The following MTUS2 variants were observed in gnomAD, a reference collection of about 807,000 sequenced individuals.
MTUS2 encodes the protein microtubule associated scaffold protein 2.
MTUS2 carries 40 observed loss-of-function variants against 114.1 expected under a neutral mutation model. The observed-to-expected ratio is 0.35, with a 90% CI of 0.27 to 0.46. The LOEUF is 0.46. MTUS2 is among the 20% of genes least tolerant of loss of function. MTUS2 has a pLI of 1.00. For synonymous variants in MTUS2, 688 were observed against 672.0 expected, an observed-to-expected ratio of 1.02 and a Z score of -0.37; for missense variants, 1,679 against 1,705.4, an observed-to-expected ratio of 0.98 and a Z score of 0.27.
chr13:29,039,378 T>G (rs1048429497), intron 4 of MTUS2, among the ~76,000 whole-genome samples: 4 of 152,228 alleles, frequency 2.6e-5, no homozygotes, highest in Non-Finnish European at 5.9e-5. Flanking sequence ...CCAGAAACTG[T>G]GCAAAGCATC....
At chr13:29,127,509 C>G (rs1457518313) in intron 5 of MTUS2, among the ~76,000 whole-genome samples, 2 of 152,190 alleles carry the variant, frequency 1.3e-5, no homozygotes, top group African/African-American at 2.4e-5. Flanking sequence ...TGAGGCTTCC[C>G]TGAAGAGAAA....
At chr13:29,029,716 G>T (rs1191258629) in intron 3 of MTUS2, among the ~76,000 whole-genome samples, 1 of 152,186 alleles carries the variant, frequency 6.6e-6, no homozygotes, top group Non-Finnish European at 1.5e-5. Context: ...ACTCAAGGGG[G>T]AAGAAGAAGG....
chr13:29,348,031 A>G (rs151085741), intron 7 of MTUS2, among the ~76,000 whole-genome samples: 66 of 149,624 alleles, frequency 4.4e-4, no homozygotes, highest in African/African-American at 1.4e-3. Context: ...GCATTCACCA[A>G]CCCAGAAGCC....
rs1259005084 is a variant in MTUS2 at position 29,505,271 on chromosome 13, C to T, written c.*2065C>T. ...TAGCCGCACCTGCTAAATGCAGTTA[C>T]ACAGCAATACTGACTTCCGTGTGAT... is the stretch of plus-strand genomic sequence containing the variant. On this transcript the variant is annotated 3_prime_UTR_variant, in exon 16 of 16. Coordinates refer to ENST00000612955, the MANE Select transcript of MTUS2 (RefSeq NM_001033602.4). 8.6e-6 allele frequency: 2 copies of T among 231,462 alleles called. No homozygotes were observed. Among genetic ancestry groups the T allele is most frequent in the Non-Finnish European group, 1.7e-5 (2 of 116,736 alleles). The allele number at this position is 231,462 out of a possible 1,614,324, so 14.3% of individuals were successfully genotyped here.
intron 5 of MTUS2, among the ~76,000 whole-genome samples, chr13:29,252,775 T>C (rs150353458): frequency 3.3e-5 from 5 of 152,226 alleles, no homozygotes; most frequent in Admixed American, 2.0e-4. Context: ...CGAGATCTGA[T>C]GGTTTTATAA....
chr13:29,315,012 C>T lies in MTUS2; in HGVS notation c.2807-9601C>T, dbSNP rs373652828. Reference sequence around the variant, plus strand: ...TCCATTAAAAAGAATCGAGTTTTATCATTTATGGCAACATGGATGAGCTTG... The same window carrying T: ...TCCATTAAAAAGAATCGAGTTTTATTATTTATGGCAACATGGATGAGCTTG... On this transcript the variant is annotated intron_variant, in intron 6 of 15. Transcript: ENST00000612955. Among the ~76,000 whole-genome samples the T allele has an allele frequency of 1.1e-4, 17 of 152,274 alleles. No homozygotes were observed. The South Asian group carries it at 2.7e-3, about 24-fold the overall frequency.
intron 8 of MTUS2, among the ~76,000 whole-genome samples, chr13:29,372,833 T>A (rs967362975): frequency 6.6e-6 from 1 of 152,194 alleles, no homozygotes; most frequent in Non-Finnish European, 1.5e-5. Flanking sequence ...AAGATCTCAG[T>A]TGAGTTCCAG....
chr13:29,333,270 T>A (rs576952937), intron 7 of MTUS2, among the ~76,000 whole-genome samples: 1 of 152,296 alleles, frequency 6.6e-6, no homozygotes, highest in East Asian at 1.9e-4. Context: ...TGATCTCAGC[T>A]GACTGTAACC....
chr13:29,505,282 T>C lies in MTUS2; in HGVS notation c.*2076T>C. The C allele has an allele frequency of 4.3e-6, 1 of 231,534 alleles. No individual in the cohort carries two copies. The highest frequency in any genetic ancestry group is 6.1e-5 in the East Asian group (1 of 16,286). The allele number at this position is 231,534 out of a possible 1,614,324, so 14.3% of individuals were successfully genotyped here. ...GCTAAATGCAGTTACACAGCAATACTGACTTCCGTGTGATGCTAGAACGTG... is the reference window on the plus strand; with the variant it reads ...GCTAAATGCAGTTACACAGCAATACCGACTTCCGTGTGATGCTAGAACGTG... On this transcript the variant is annotated 3_prime_UTR_variant, in exon 16 of 16. Transcript: ENST00000612955.
At chr13:29,139,721 A>G (rs1308468060) in intron 5 of MTUS2, among the ~76,000 whole-genome samples, 3 of 152,136 alleles carry the variant, frequency 2.0e-5, no homozygotes, top group Non-Finnish European at 4.4e-5. Context: ...AAAATATACA[A>G]TGATTATTTA....
chr13:29,248,948 G>A (rs1167716372), intron 5 of MTUS2, among the ~76,000 whole-genome samples: 10 of 152,118 alleles, frequency 6.6e-5, no homozygotes, highest in Non-Finnish European at 1.2e-4. Context: ...ATGTATGCAT[G>A]TATCTTTATA....
At chr13:28,989,734 G>T (rs1311237607) in intron 2 of MTUS2, among the ~76,000 whole-genome samples, 1 of 152,162 alleles carries the variant, frequency 6.6e-6, no homozygotes, top group Non-Finnish European at 1.5e-5. Flanking sequence ...GGGTGAACAG[G>T]GAAGCACATG....
chr13:29,156,852 C>T (rs545038627), intron 5 of MTUS2, among the ~76,000 whole-genome samples: 18 of 152,254 alleles, frequency 1.2e-4, no homozygotes, highest in African/African-American at 3.9e-4. Context: ...GTCCACTCCC[C>T]GACCCCGCCT....
intron 7 of MTUS2, among the ~76,000 whole-genome samples, chr13:29,357,951 T>G (rs1869888970): frequency 1.3e-5 from 2 of 152,158 alleles, no homozygotes; most frequent in South Asian, 4.2e-4. Flanking sequence ...CACAAACCCA[T>G]TACTCTGCAT....
At position 29,493,632 on chromosome 13, in the gene MTUS2, A is replaced by C. The variant is rs78951476; in HGVS notation, c.3579+913A>C. Among the ~76,000 whole-genome samples the C allele has an allele frequency of 9.1e-3, 1,383 of 152,274 alleles. 20 individuals are homozygous for C. Among genetic ancestry groups the C allele is most frequent in the African/African-American group, 0.031 (1,280 of 41,564 alleles). On this transcript the variant is annotated intron_variant, in intron 12 of 15. Transcript: ENST00000612955. The stretch of plus-strand genomic sequence containing the variant: ...GGAGAGACCCAGGGTCACACTCTCC[A>C]GTGTACTCTTCAAAAACTAAAATGT...
chr13:29,063,899 T>G (rs956804798), intron 4 of MTUS2, among the ~76,000 whole-genome samples: 2 of 152,214 alleles, frequency 1.3e-5, no homozygotes, highest in Non-Finnish European at 2.9e-5. Context: ...TTTAACAAAT[T>G]TAAGCGGGTG....
intron 5 of MTUS2, among the ~76,000 whole-genome samples, chr13:29,158,358 C>CCCCCCCCCCTTCTTT: frequency 3.1e-5 from 1 of 32,056 alleles, no homozygotes; most frequent in African/African-American, 2.1e-4. Context: ...GTCCACCCCG[C>CCCCCCCCCCTTCTTT]TTTTTTTTTT....
intron 2 of MTUS2, among the ~76,000 whole-genome samples, chr13:29,018,198 A>G (rs1886146810): frequency 6.6e-6 from 1 of 152,172 alleles, no homozygotes; most frequent in South Asian, 2.1e-4. Context: ...TAAGTAGAAG[A>G]GTAAAGGGGA....
At chr13:28,986,272 C>T (rs1017102897) in intron 2 of MTUS2, among the ~76,000 whole-genome samples, 1 of 152,130 alleles carries the variant, frequency 6.6e-6, no homozygotes, top group Non-Finnish European at 1.5e-5. Context: ...GTCCAGTACA[C>T]ATCTGGATGA....
Sources: allele counts gnomAD v4.1 joint callset (sites outside exome capture counted in the v4.1 genomes callset), GRCh38; gene constraint gnomAD v4.1.1; transcripts MANE v1.5; gene names NCBI Gene and HGNC (gene_info 2026-07-23, HGNC 2026-07-21).